The following ERCC2 variants were observed in gnomAD, a reference collection of about 807,000 sequenced individuals.
ERCC2 encodes ERCC excision repair 2, TFIIH core complex helicase subunit.
ERCC2 carries 90 observed loss-of-function variants against 99.4 expected under a neutral mutation model. That is an observed-to-expected ratio of 0.91 (90% confidence interval 0.76 to 1.08). ERCC2 has a LOEUF of 1.08. Ranked by LOEUF, ERCC2 falls within the 50% of genes least tolerant of loss-of-function variation. The pLI, the probability that ERCC2 is intolerant of heterozygous loss-of-function variation, is 0.00. For synonymous variants in ERCC2, 497 were observed against 432.4 expected, an observed-to-expected ratio of 1.15 and a Z score of -1.85; for missense variants, 993 against 1,038.1, an observed-to-expected ratio of 0.96 and a Z score of 0.60.
At position 45,354,842 on chromosome 19, in the gene ERCC2, C is replaced by G; in HGVS notation, c.1553G>C (p.Arg518Pro). Residue 518 changes from arginine (R) to proline (P), a missense_variant, in exon 17 of 23, where the codon CGG (arginine) becomes CCG (proline). By Grantham distance (103) the Arg-to-Pro change is moderately radical. Transcript: ENST00000391945. ...CTCCAGCAGGAGGTTCCCATAGTTCCGGATCACAGCTGCAAGGGGTCAGAG... is the reference window on the plus strand; with the variant it reads ...CTCCAGCAGGAGGTTCCCATAGTTCGGGATCACAGCTGCAAGGGGTCAGAG... ...FETREDIAVI[R>P]NYGNLLLEMS... 1 of 1,614,040 alleles carries G rather than the reference C, an allele frequency of 6.2e-7. No homozygotes were observed. The highest frequency in any genetic ancestry group is 8.5e-7 in the Non-Finnish European group (1 of 1,179,938).
chr19:45,350,920 T>C lies in ERCC2; in HGVS notation c.*709A>G. On this transcript the variant is annotated 3_prime_UTR_variant, in exon 23 of 23. Coordinates refer to ENST00000391945, the MANE Select transcript of ERCC2 (RefSeq NM_000400.4). ...CTCGTGGAGGGGGGCCACTCCTGGATTCACTCATTTCCTCCCTGCTGCCCT... is the reference window on the plus strand; with the variant it reads ...CTCGTGGAGGGGGGCCACTCCTGGACTCACTCATTTCCTCCCTGCTGCCCT... 6.2e-7 allele frequency: 1 copy of C among 1,608,466 alleles called. No homozygotes were observed. The highest frequency in any genetic ancestry group is 8.5e-7 in the Non-Finnish European group (1 of 1,175,250).
chr19:45,357,654 A>G lies in ERCC2; in HGVS notation c.1283T>C (p.Ile428Thr), dbSNP rs375254364. The change falls in exon 13 of 23, where the codon ATT becomes ACT. Residue 428 changes from isoleucine to threonine, a missense_variant. Around this residue, in one of 3 missense-constraint regions of ERCC2, gnomAD observed 909 missense variants for 930.8 expected, o/e 0.98. Coordinates refer to ENST00000391945, the MANE Select transcript of ERCC2 (RefSeq NM_000400.4). ...CCTGAAGTGCAGGATGGGGTTGGCA[A>G]TGGTCGGGGTTCTGTCGTCAAAGGG... ...IEPFDDRTPT[I>T]ANPILHFSCM... 6 of 1,613,936 alleles carry G rather than the reference A, an allele frequency of 3.7e-6. No individual in the cohort carries two copies. In the African/African-American group the frequency reaches 5.3e-5, roughly 14 times the overall value.
chr19:45,351,741 G>C lies in ERCC2; in HGVS notation c.2191-20C>G. 3.1e-6 allele frequency: 5 copies of C among 1,610,714 alleles called. No homozygotes were observed. Among genetic ancestry groups the C allele is most frequent in the Non-Finnish European group, 4.2e-6 (5 of 1,177,528 alleles). On this transcript the variant is annotated intron_variant, in intron 22 of 22. Coordinates refer to ENST00000391945, the MANE Select transcript of ERCC2 (RefSeq NM_000400.4). The stretch of plus-strand genomic sequence containing the variant: ...ATCCTCCTGCAGAGAACAGAGGAAA[G>C]GGAGAGGGGGGCACTGTTGGGCAGG...
At position 45,361,376 on chromosome 19, in the gene ERCC2, G is replaced by A. The variant is rs1222008713; in HGVS notation, c.1237+148C>T. ...AAGGCTTACTCAAGAACTATGTATG[G>A]CTCCCCACTGCCTTCAAAATAGGGC... On this transcript the variant is annotated intron_variant, in intron 12 of 22. Coordinates refer to ENST00000391945, the MANE Select transcript of ERCC2 (RefSeq NM_000400.4). The A allele has an allele frequency of 4.2e-6, 3 of 721,554 alleles. No individual in the cohort carries two copies. In the Admixed American group the frequency reaches 5.5e-5, roughly 13 times the overall value. 44.7% of individuals were successfully genotyped at this position (721,554 alleles called of 1,614,324 possible). A position where few individuals can be genotyped will look rare whatever the true frequency, so the allele number is the denominator to read the frequency against.
At position 45,369,134 on chromosome 19, in the gene ERCC2, A is replaced by G. The variant is rs1972524332; in HGVS notation, c.119T>C (p.Leu40Pro). Residue 40 changes from leucine (L) to proline (P), a missense_variant, in exon 3 of 23, where the codon CTG becomes CCG. By Grantham distance (98) the Leu-to-Pro change is moderately conservative (BLOSUM62 -3). Transcript: ENST00000391945. Reference protein sequence around the residue: ...RTLDAKGHGVLEMPSGTGKTV... With the variant: ...RTLDAKGHGVPEMPSGTGKTV... ...CTTCCCGGTGCCTGAGGGCATCTCC[A>G]GGACTCCATGACCCTGCATGTTGGG... is the stretch of plus-strand genomic sequence containing the variant. 1.2e-6 allele frequency: 2 copies of G among 1,614,076 alleles called. No homozygotes were observed. The highest frequency in any genetic ancestry group is 1.7e-6 in the Non-Finnish European group (2 of 1,179,956).
rs1405133210 is a variant in ERCC2, at chr19:45,350,748, G to T, written c.*881C>A. On this transcript the variant is annotated 3_prime_UTR_variant, in exon 23 of 23. Coordinates refer to ENST00000391945, the MANE Select transcript of ERCC2 (RefSeq NM_000400.4). Reference sequence around the variant, plus strand: ...GCGAGGCGGCGGCAGGAGCAGCCGGGTGAGTGTTGATCAGGTCGGCAAAGA... The same window carrying T: ...GCGAGGCGGCGGCAGGAGCAGCCGGTTGAGTGTTGATCAGGTCGGCAAAGA... 1 of 1,609,084 alleles carries T rather than the reference G, an allele frequency of 6.2e-7. No homozygotes were observed. Among genetic ancestry groups the T allele is most frequent in the South Asian group, 1.1e-5 (1 of 90,380 alleles).
chr19:45,357,439 T>A lies in ERCC2; in HGVS notation c.1377+35A>T, dbSNP rs749596082. ...GGACCAGGAGGCCCATGGAGGGAGGTCAGGGACTAGGAGGGGACGGGGAAG... is the reference window on the plus strand; with the variant it reads ...GGACCAGGAGGCCCATGGAGGGAGGACAGGGACTAGGAGGGGACGGGGAAG... On this transcript the variant is annotated intron_variant, in intron 14 of 22. Coordinates refer to ENST00000391945, the MANE Select transcript of ERCC2 (RefSeq NM_000400.4). The A allele has an allele frequency of 2.5e-6, 4 of 1,610,720 alleles. No individual in the cohort carries two copies. In the African/African-American group the frequency reaches 5.4e-5, roughly 22 times the overall value.
At position 45,370,118 on chromosome 19, in the gene ERCC2, C is replaced by G. The variant is rs757451920; in HGVS notation, c.105+15G>C. 9.9e-6 allele frequency: 16 copies of G among 1,612,420 alleles called. No individual in the cohort carries two copies. Among genetic ancestry groups the G allele is most frequent in the Non-Finnish European group, 1.0e-5 (12 of 1,178,928 alleles). On this transcript the variant is annotated intron_variant, in intron 2 of 22. Coordinates refer to ENST00000391945, the MANE Select transcript of ERCC2 (RefSeq NM_000400.4). The stretch of plus-strand genomic sequence containing the variant: ...CACCGGTCGAGTGGGCGGGTCGGGC[C>G]CACCGGCCACCCACCTTGGCGTCCA...
At chr19:45,354,083 T>A (rs1282351540) in intron 17 of ERCC2, among the ~76,000 whole-genome samples, 1 of 152,202 alleles carries the variant, frequency 6.6e-6, no homozygotes, top group Non-Finnish European at 1.5e-5. Context: ...CATGCGTGCC[T>A]TTCCAATACC....
chr19:45,353,460 G>A (rs553630316), intron 17 of ERCC2, 126 bp from the exon 18 acceptor site: 1 of 706,984 alleles, frequency 1.4e-6, no homozygotes, highest in Non-Finnish European at 2.6e-6. Flanking sequence ...GAGATGTGGT[G>A]AGGGAGGGTG....
Position 45,351,069 on chromosome 19 carries a change from G to A in ERCC2, c.*560C>T, listed in dbSNP as rs1971740610. 1 of 1,613,832 alleles carries A rather than the reference G, an allele frequency of 6.2e-7. No individual in the cohort carries two copies. The highest frequency in any genetic ancestry group is 8.5e-7 in the Non-Finnish European group (1 of 1,179,906). On this transcript the variant is annotated 3_prime_UTR_variant, in exon 23 of 23. Coordinates refer to ENST00000391945, the MANE Select transcript of ERCC2 (RefSeq NM_000400.4). Reference sequence around the variant, plus strand: ...AGAGGAGGCCATGTGGGTAGGTGCAGAGATGAGGCAAAGGCAGGGCGGTCG... The same window carrying A: ...AGAGGAGGCCATGTGGGTAGGTGCAAAGATGAGGCAAAGGCAGGGCGGTCG...
rs542268504 is a variant in ERCC2, at chr19:45,357,268, A to G, written c.1479+2T>C. 1.9e-6 allele frequency: 3 copies of G among 1,609,980 alleles called. No individual in the cohort carries two copies. The highest frequency in any genetic ancestry group is 3.3e-5 in the Admixed American group (2 of 59,918). ...GCCCCAGCCCTAGCCTCTCCCACTC[A>G]CCATAGGGCAGAGGCAGACCCGTGC... On this transcript the variant is annotated splice_donor_variant, in intron 15 of 22. Transcript: ENST00000391945. LOFTEE classifies it high-confidence loss of function.
chr19:45,353,131 T>C lies in ERCC2; in HGVS notation c.1783A>G (p.Ile595Val), dbSNP rs1416467153. 3 of 1,613,522 alleles carry C rather than the reference T, an allele frequency of 1.9e-6. No homozygotes were observed. Among genetic ancestry groups the C allele is most frequent in the Non-Finnish European group, 2.5e-6 (3 of 1,179,908 alleles). The stretch of plus-strand genomic sequence containing the variant: ...TTGCCCCGGGCCACTGACAGCAGGA[T>C]GGCCCCGCGGCCATTCTCGCAGGCC... The part of the protein sequence containing the change: ...QEACENGRGA[I>V]LLSVARGKVS... The change falls in exon 19 of 23, where the codon ATC becomes GTC. Residue 595 changes from isoleucine (I) to valine (V), a missense_variant. Transcript: ENST00000391945.
At chr19:45,369,354 C>G (rs1406152369) in intron 2 of ERCC2, among the ~76,000 whole-genome samples, 2 of 152,094 alleles carry the variant, frequency 1.3e-5, no homozygotes, top group African/African-American at 2.4e-5. Flanking sequence ...CTCCCCAGAC[C>G]TCAGTATCCC....
At position 45,350,551 on chromosome 19, in the gene ERCC2, G is replaced by A; in HGVS notation, c.*1078C>T. Reference sequence around the variant, plus strand: ...CAGGCACAGCTGGTGACGCAGAACAGGTGAGGATGGGCTGTGCTTCGGCTC... The same window carrying A: ...CAGGCACAGCTGGTGACGCAGAACAAGTGAGGATGGGCTGTGCTTCGGCTC... On this transcript the variant is annotated 3_prime_UTR_variant, in exon 23 of 23. Transcript: ENST00000391945. 1 of 1,613,976 alleles carries A rather than the reference G, an allele frequency of 6.2e-7. No individual in the cohort carries two copies. Among genetic ancestry groups the A allele is most frequent in the Non-Finnish European group, 8.5e-7 (1 of 1,179,976 alleles).
rs748556107 is a variant in ERCC2 at position 45,364,518 on chromosome 19, G to A, written c.624C>T (p.Ser208=). 9 of 1,613,708 alleles carry A rather than the reference G, an allele frequency of 5.6e-6. No individual in the cohort carries two copies. In the East Asian group the frequency reaches 1.6e-4, roughly 28 times the overall value. ...TCTTGGGGTCCAGGAGGTAGTGGTA[G>A]CTATAAACCACCACATTGGCATGCA... ...SILHANVVVY[S]YHYLLDPKIA... Residue 208 remains serine (S), a synonymous_variant, in exon 8 of 23, where the codon AGC becomes AGT. Transcript: ENST00000391945.
In ERCC2 at chr19:45,350,495, C is replaced by T. The variant is rs185312048; in HGVS notation, c.*1134G>A. The T allele has an allele frequency of 3.8e-5, 61 of 1,613,640 alleles. No individual in the cohort carries two copies. The African/African-American group carries it at 7.1e-4, about 19-fold the overall frequency. On this transcript the variant is annotated 3_prime_UTR_variant, in exon 23 of 23. Transcript: ENST00000391945. ...CTTCTCTATGTCCCCATCTCAGTGT[C>T]CCCCATCTTTCCCCCTAGGTGCCCC... is the stretch of plus-strand genomic sequence containing the variant.
Position 45,364,935 on chromosome 19 carries a change from C to T in ERCC2, c.497G>A (p.Arg166His), listed in dbSNP as rs747109257. 4.5e-5 allele frequency: 73 copies of T among 1,613,910 alleles called. No individual in the cohort carries two copies. The highest frequency in any genetic ancestry group is 5.8e-5 in the Non-Finnish European group (69 of 1,179,960). Reference protein sequence around the residue: ...RFYEEFDAHGREVPLPAGIYN... With the variant: ...RFYEEFDAHGHEVPLPAGIYN... ...GATGCCAGCGGGGAGGGGCACCTCACGCCCATGGGCATCAAATTCCTGGGA... is the reference window on the plus strand; with the variant it reads ...GATGCCAGCGGGGAGGGGCACCTCATGCCCATGGGCATCAAATTCCTGGGA... The change falls in exon 7 of 23, where the codon CGT becomes CAT. Residue 166 changes from arginine (R) to histidine (H), a missense_variant. Physicochemically the swap from Arg to His is conservative, Grantham distance 29 (BLOSUM62 0). Transcript: ENST00000391945.
At chr19:45,360,417 G>A (rs1169680475) in intron 12 of ERCC2, among the ~76,000 whole-genome samples, 1 of 142,140 alleles carries the variant, frequency 7.0e-6, no homozygotes, top group Non-Finnish European at 1.5e-5. Context: ...TTGCTCTGTT[G>A]CCCAGGCTGG....
Sources: allele counts gnomAD v4.1 joint callset (sites outside exome capture counted in the v4.1 genomes callset), GRCh38; gene constraint gnomAD v4.1.1; regional missense constraint gnomAD v4.1.1; transcripts MANE v1.5; gene names NCBI Gene and HGNC (gene_info 2026-07-23, HGNC 2026-07-21).